Variants in FANCC observed in about 807,000 individuals in gnomAD.
The protein encoded by FANCC is Fanconi anemia group C protein.
Under a neutral mutation model 71.3 loss-of-function variants are expected in FANCC, and 55 were observed. The observed-to-expected ratio is 0.77, with a 90% confidence interval of 0.62 to 0.97. The LOEUF (loss-of-function observed/expected upper bound fraction) is 0.97. Ranked by LOEUF, FANCC falls within the 50% of genes least tolerant of loss-of-function variation. The probability of loss-of-function intolerance (pLI) is 0.00; values close to 1 mark genes in which losing one functional copy is unlikely to be tolerated. For missense variants in FANCC, 678 were observed against 670.9 expected, an observed-to-expected ratio of 1.01 and a Z score of -0.12; for synonymous variants, 275 against 244.9, an observed-to-expected ratio of 1.12 and a Z score of -1.15.
Position 95,111,502 on chromosome 9 carries a change from G to A in FANCC, c.1290C>T (p.Tyr430=), listed in dbSNP as rs766105286. The change falls in exon 13 of 15, where the codon TAC becomes TAT. Residue 430 remains tyrosine, a synonymous_variant. Transcript: ENST00000289081. Reference sequence around the variant, plus strand: ...TCTGCTGCCTCCCATCACGGGGGCCGTAGTAGAAGGCCAAGAGCCACAGCA... The same window carrying A: ...TCTGCTGCCTCCCATCACGGGGGCCATAGTAGAAGGCCAAGAGCCACAGCA... ...TALLWLLAFY[Y]GPRDGRQQRA... is the part of the protein sequence containing the mutation. 90 of 1,613,880 alleles carry A rather than the reference G, an allele frequency of 5.6e-5. No homozygotes were observed. The highest frequency in any genetic ancestry group is 8.9e-5 in the East Asian group (4 of 44,876).
chr9:95,214,791 TTAGAG>T (rs1226039980), intron 4 of FANCC, among the ~76,000 whole-genome samples: 1 of 152,282 alleles, frequency 6.6e-6, no homozygotes, highest in African/African-American at 2.4e-5. Context: ...TATGAGGTAC[TTAGAG>T]TAGTCAAAAA....
chr9:95,208,288 G>A (rs918572651), intron 4 of FANCC, among the ~76,000 whole-genome samples: 6 of 151,374 alleles, frequency 4.0e-5, no homozygotes, highest in Admixed American at 2.0e-4. Flanking sequence ...GTAGAGATGG[G>A]GTTTCTCCAT....
At position 95,114,671 on chromosome 9, in the gene FANCC, A is replaced by G. The variant is rs2072242960; in HGVS notation, c.1112T>C (p.Ile371Thr). Residue 371 changes from isoleucine to threonine, a missense_variant, in exon 12 of 15, where the codon ATT (isoleucine) becomes ACT (threonine). Physicochemically the swap from Ile to Thr is moderately conservative, Grantham distance 89. Transcript: ENST00000289081. ...AACTGCTTCTCTGAGCAGTTCAGAAATATGCTTCAGTGTCTGGAGCCAGTG... is the reference window on the plus strand; with the variant it reads ...AACTGCTTCTCTGAGCAGTTCAGAAGTATGCTTCAGTGTCTGGAGCCAGTG... Reference protein sequence around the residue: ...RGHWLQTLKHISELLREAVED... With the variant: ...RGHWLQTLKHTSELLREAVED... The G allele has an allele frequency of 6.2e-7, 1 of 1,614,206 alleles. No homozygotes were observed. Among genetic ancestry groups the G allele is most frequent in the African/African-American group, 1.3e-5 (1 of 75,032 alleles).
intron 4 of FANCC, among the ~76,000 whole-genome samples, chr9:95,180,339 C>CTT (rs34697587): frequency 0.018 from 1,507 of 82,034 alleles, 9 homozygotes; most frequent in Non-Finnish European, 0.026. Context: ...ACAGTTAACT[C>CTT]TTTTTTTTTT....
At chr9:95,145,815 CAA>C (rs1459686704) in intron 7 of FANCC, among the ~76,000 whole-genome samples, 3 of 152,138 alleles carry the variant, frequency 2.0e-5, no homozygotes, top group African/African-American at 4.8e-5. Context: ...TTATCACACT[CAA>C]GAGGGCGGAC....
chr9:95,211,286 G>A (rs940986351), intron 4 of FANCC, among the ~76,000 whole-genome samples: 1 of 152,150 alleles, frequency 6.6e-6, no homozygotes, highest in African/African-American at 2.4e-5. Flanking sequence ...ACCAACACTG[G>A]AGTCTGATAA....
At chr9:95,167,580 A>G (rs1005308437) in intron 6 of FANCC, among the ~76,000 whole-genome samples, 2 of 152,136 alleles carry the variant, frequency 1.3e-5, no homozygotes, top group Non-Finnish European at 2.9e-5. Context: ...TGTTTGATCA[A>G]GTCTACTGCT....
intron 6 of FANCC, among the ~76,000 whole-genome samples, chr9:95,167,429 C>T (rs764954755): frequency 6.6e-6 from 1 of 152,130 alleles, no homozygotes; most frequent in Non-Finnish European, 1.5e-5. Context: ...CTAGGACTCA[C>T]AAAATGTGTG....
chr9:95,268,196 G>A (rs531220103), intron 1 of FANCC, among the ~76,000 whole-genome samples: 2 of 152,180 alleles, frequency 1.3e-5, no homozygotes, highest in East Asian at 3.8e-4. Flanking sequence ...AATGCTTCAG[G>A]CAACAGATTT....
At chr9:95,196,725 T>G (rs571276015) in intron 4 of FANCC, among the ~76,000 whole-genome samples, 1 of 152,324 alleles carries the variant, frequency 6.6e-6, no homozygotes, top group East Asian at 1.9e-4. Context: ...GCCTGTCTGC[T>G]TCGGTTCACA....
chr9:95,194,673 A>C (rs1004717956), intron 4 of FANCC, among the ~76,000 whole-genome samples: 1 of 151,332 alleles, frequency 6.6e-6, no homozygotes, highest in African/African-American at 2.4e-5. Context: ...CCTTTTCGTG[A>C]AATAGTGTTT....
chr9:95,220,195 A>G (rs954398949), intron 4 of FANCC, among the ~76,000 whole-genome samples: 7 of 152,180 alleles, frequency 4.6e-5, no homozygotes, highest in East Asian at 1.9e-4. Context: ...TTAGAATGGC[A>G]ATCATTAAAA....
chr9:95,265,937 A>G (rs930022121), intron 1 of FANCC, among the ~76,000 whole-genome samples: 5 of 152,176 alleles, frequency 3.3e-5, no homozygotes, highest in African/African-American at 1.2e-4. Flanking sequence ...AAGGAAACAC[A>G]GGGGGCTGCA....
intron 1 of FANCC, among the ~76,000 whole-genome samples, chr9:95,314,945 TAAC>T (rs956588582): frequency 1.6e-4 from 24 of 151,758 alleles, no homozygotes; most frequent in African/African-American, 5.8e-4. Context: ...TGAAAAAAAA[TAAC>T]AAACTGATAC....
At chr9:95,294,565 G>A in intron 1 of FANCC, 1 of 1,538,766 alleles carries the variant, frequency 6.5e-7, no homozygotes. Flanking sequence ...GACACAAACT[G>A]AAGGAATCTC....
intron 4 of FANCC, among the ~76,000 whole-genome samples, chr9:95,215,515 C>A (rs912829993): frequency 5.3e-5 from 8 of 152,200 alleles, no homozygotes; most frequent in Non-Finnish European, 1.2e-4. Flanking sequence ...ATCTTTGATA[C>A]TCCTCCCCCC....
chr9:95,156,850 A>C (rs1031482888), intron 6 of FANCC, among the ~76,000 whole-genome samples: 6 of 152,236 alleles, frequency 3.9e-5, no homozygotes, highest in African/African-American at 1.4e-4. Context: ...ATTAATAATA[A>C]CAATTAAAAT....
At chr9:95,259,602 T>C (rs1831895997) in intron 1 of FANCC, among the ~76,000 whole-genome samples, 1 of 152,190 alleles carries the variant, frequency 6.6e-6, no homozygotes, top group Non-Finnish European at 1.5e-5. Flanking sequence ...GAAGAAAACC[T>C]AGGCAGTACC....
At chr9:95,259,451 C>T (rs1831885199) in intron 1 of FANCC, among the ~76,000 whole-genome samples, 1 of 152,118 alleles carries the variant, frequency 6.6e-6, no homozygotes, top group Admixed American at 6.5e-5. Flanking sequence ...AAAAGGATCC[C>T]CTATTTAATA....
Sources: gnomAD v4.1 joint callset for allele counts (sites outside exome capture counted in the v4.1 genomes callset) on GRCh38, gnomAD v4.1.1 for gene constraint, MANE v1.5 for transcripts, NCBI Gene and HGNC (gene_info 2026-07-23, HGNC 2026-07-21) for gene names.